Variants in PIGC observed in about 807,000 individuals in gnomAD.
PIGC encodes the protein phosphatidylinositol N-acetylglucosaminyltransferase subunit C.
In PIGC, 14 loss-of-function variants were observed where a neutral mutation model predicts 20.9. That is an observed-to-expected ratio of 0.67 (90% CI 0.44 to 1.05). The LOEUF (loss-of-function observed/expected upper bound fraction) is 1.05. PIGC is among the 50% of genes least tolerant of loss of function. The pLI is 0.00. For synonymous variants in PIGC, 132 were observed against 141.4 expected (o/e 0.93, Z 0.47); for missense variants, 310 against 360.9 (o/e 0.86, Z 1.14).
intron 1 of PIGC, chr1:172,443,703 C>G (rs545163472): frequency 6.0e-6 from 1 of 167,176 alleles, no homozygotes; most frequent in Non-Finnish European, 1.5e-5. Flanking sequence ...ACACCGTTAC[C>G]CCCTCTGCAG....
chr1:172,441,932 C>A lies in PIGC; in HGVS notation c.691G>T (p.Val231Phe). ...GCTGAAAATGCAAAAAGCAGTGTGA[C>A]CCCCACATAGCTCCGGGGAGTACAT... The part of the protein sequence containing the change: ...KACTPRSYVG[V>F]TLLFAFSAVG... The change falls in exon 2 of 2, where the codon GTC becomes TTC. Residue 231 changes from valine (V) to phenylalanine (F), a missense_variant. By Grantham distance (50) the Val-to-Phe change is conservative. Transcript: ENST00000344529. The A allele has an allele frequency of 1.2e-6, 2 of 1,614,160 alleles. No homozygotes were observed. The highest frequency in any genetic ancestry group is 1.7e-6 in the Non-Finnish European group (2 of 1,180,010).
At position 172,441,608 on chromosome 1, in the gene PIGC, G is replaced by T. The variant is rs1647313103; in HGVS notation, c.*121C>A. The T allele has an allele frequency of 2.0e-5, 18 of 911,756 alleles. No individual in the cohort carries two copies. Among genetic ancestry groups the T allele is most frequent in the African/African-American group, 5.0e-5 (3 of 60,108 alleles). The allele number at this position is 911,756 out of a possible 1,614,324, so 56.5% of individuals were successfully genotyped here. A position where few individuals can be genotyped will look rare whatever the true frequency, so the allele number is the denominator to read the frequency against. ...CCTTTGGTTCATTTTTTTTGGTTTTGATCTCTATTCTCTTACCACAATGAC... is the reference window on the plus strand; with the variant it reads ...CCTTTGGTTCATTTTTTTTGGTTTTTATCTCTATTCTCTTACCACAATGAC... On this transcript the variant is annotated 3_prime_UTR_variant, in exon 2 of 2. Coordinates refer to ENST00000344529, the MANE Select transcript of PIGC (RefSeq NM_153747.2).
In PIGC at chr1:172,442,555, G is replaced by T. The variant is rs1401176278; in HGVS notation, c.68C>A (p.Pro23His). The T allele has an allele frequency of 6.2e-7, 1 of 1,614,134 alleles. No individual in the cohort carries two copies. Among genetic ancestry groups the T allele is most frequent in the Non-Finnish European group, 8.5e-7 (1 of 1,179,974 alleles). ...KWQKVLYERQ[P>H]FPDNYVDRRF... ...CCGGTCCACATAGTTATCAGGAAAG[G>T]GCTGTCGCTCATACAAGACCTTCTG... The change falls in exon 2 of 2, where the codon CCC becomes CAC. Residue 23 changes from proline to histidine, a missense_variant. Transcript: ENST00000344529.
rs771428614 is a variant in PIGC, at chr1:172,442,575, C to T, written c.48G>A (p.Lys16=). Residue 16 remains lysine (K), a synonymous_variant, in exon 2 of 2, where the codon AAG becomes AAA. Transcript: ENST00000344529. ...GAAAGGGCTGTCGCTCATACAAGAC[C>T]TTCTGCCACTTGACCTCCTTGGTGT... ...VTNTKEVKWQ[K]VLYERQPFPD... is the part of the protein sequence containing the mutation. 1.9e-6 allele frequency: 3 copies of T among 1,614,064 alleles called. No individual in the cohort carries two copies. Among genetic ancestry groups the T allele is most frequent in the Non-Finnish European group, 2.5e-6 (3 of 1,179,932 alleles).
At chr1:172,443,745 C>A (rs1647617871) in intron 1 of PIGC, 1 of 170,168 alleles carries the variant, frequency 5.9e-6, no homozygotes, top group Non-Finnish European at 1.4e-5. Context: ...CTTAAGGCCG[C>A]CGCCGGGGTT....
Sources: allele counts gnomAD v4.1 joint callset, GRCh38; gene constraint gnomAD v4.1.1; transcripts MANE v1.5; gene names NCBI Gene and HGNC (gene_info 2026-07-23, HGNC 2026-07-21).